Variants in PARD3 observed in about 807,000 individuals in gnomAD.
PARD3 encodes par-3 family cell polarity regulator, also known as partitioning defective 3 homolog.
In PARD3, 75 loss-of-function variants were observed where a neutral mutation model predicts 155.4. The ratio of observed to expected loss-of-function variants is 0.48; its 90% CI spans 0.40 to 0.58. The LOEUF (loss-of-function observed/expected upper bound fraction) is 0.58. Among genes scored for constraint, PARD3 ranks in the 20% least tolerant of loss-of-function variants. The pLI, the probability that PARD3 is intolerant of heterozygous loss-of-function variation, is 0.00. For missense variants in PARD3, 1,642 were observed against 1,721.7 expected, an observed-to-expected ratio of 0.95 and a Z score of 0.82; for synonymous variants, 576 against 610.5, an observed-to-expected ratio of 0.94 and a Z score of 0.83.
intron 22 of PARD3, among the ~76,000 whole-genome samples, chr10:34,175,756 G>A (rs914918814): frequency 5.9e-5 from 9 of 152,138 alleles, no homozygotes; most frequent in Non-Finnish European, 2.9e-5. Context: ...AGGAAAGGGA[G>A]TTTAAAACAA....
chr10:34,356,056 A>T (rs1366212695), intron 14 of PARD3, among the ~76,000 whole-genome samples: 2 of 152,090 alleles, frequency 1.3e-5, no homozygotes, highest in Non-Finnish European at 2.9e-5. Flanking sequence ...GACCCGGAGT[A>T]GGGTAGCAGA....
intron 1 of PARD3, among the ~76,000 whole-genome samples, chr10:34,705,253 C>A (rs1267518793): frequency 6.6e-6 from 1 of 152,080 alleles, no homozygotes; most frequent in East Asian, 1.9e-4. Context: ...TTGCTTGAGC[C>A]CAGGAGTTCA....
chr10:34,769,890 C>A (rs1391053745), intron 1 of PARD3, among the ~76,000 whole-genome samples: 1 of 150,940 alleles, frequency 6.6e-6, no homozygotes, highest in Non-Finnish European at 1.5e-5. Flanking sequence ...CAATTATAAC[C>A]ATTTCATACT....
chr10:34,273,822 C>A (rs935744338), intron 21 of PARD3, among the ~76,000 whole-genome samples: 1 of 152,064 alleles, frequency 6.6e-6, no homozygotes, highest in Non-Finnish European at 1.5e-5. Flanking sequence ...CACCATCACC[C>A]CACTCTTGGT....
At chr10:34,755,023 T>C (rs1836528990) in intron 1 of PARD3, among the ~76,000 whole-genome samples, 1 of 152,124 alleles carries the variant, frequency 6.6e-6, no homozygotes, top group Non-Finnish European at 1.5e-5. Flanking sequence ...GATTGTCACT[T>C]TTCCAAGGTC....
chr10:34,749,080 A>G (rs1376439246), intron 1 of PARD3, among the ~76,000 whole-genome samples: 1 of 152,214 alleles, frequency 6.6e-6, no homozygotes, highest in Non-Finnish European at 1.5e-5. Flanking sequence ...TCCATTATGT[A>G]CTTTCCAAAT....
chr10:34,159,305 A>G (rs1949161167), intron 22 of PARD3, among the ~76,000 whole-genome samples: 2 of 152,228 alleles, frequency 1.3e-5, no homozygotes, highest in Admixed American at 6.5e-5. Flanking sequence ...GTTGAGTAGC[A>G]AATGAGTTGG....
At chr10:34,589,652 A>C (rs944490503) in intron 2 of PARD3, among the ~76,000 whole-genome samples, 30 of 151,292 alleles carry the variant, frequency 2.0e-4, no homozygotes, top group Non-Finnish European at 3.7e-4. Flanking sequence ...AAAAAAAAAA[A>C]AAAAAACCAA....
At chr10:34,346,430 G>C (rs1441885759) in intron 15 of PARD3, 2 of 1,347,930 alleles carry the variant, frequency 1.5e-6, no homozygotes, top group Admixed American at 2.0e-5. Context: ...GTCTGATTCA[G>C]TATGGCAAGT....
chr10:34,283,998 C>A, intron 21 of PARD3, 137 bp downstream of exon 21: 1 of 603,934 alleles, frequency 1.7e-6, no homozygotes, highest in South Asian at 2.0e-5. Flanking sequence ...TCACCCACAA[C>A]CATCAATATT....
chr10:34,511,109 C>T (rs2081372595), intron 3 of PARD3, among the ~76,000 whole-genome samples: 2 of 152,174 alleles, frequency 1.3e-5, no homozygotes, highest in South Asian at 2.1e-4. Context: ...TATTGAAGAA[C>T]GTGGGCCATT....
chr10:34,413,491 C>A (rs943108887), intron 5 of PARD3, among the ~76,000 whole-genome samples: 6 of 150,802 alleles, frequency 4.0e-5, no homozygotes, highest in African/African-American at 1.5e-4. Context: ...TTTTGACTAC[C>A]AGATACTATT....
chr10:34,699,865 G>GC (rs1194438196), intron 1 of PARD3, among the ~76,000 whole-genome samples: 2 of 152,010 alleles, frequency 1.3e-5, no homozygotes, highest in African/African-American at 2.4e-5. Flanking sequence ...ACAGAGTGAG[G>GC]CCCCGTCTCT....
chr10:34,303,162 ATTTT>A (rs5784409), intron 20 of PARD3, among the ~76,000 whole-genome samples: 6,109 of 131,980 alleles, frequency 0.046, 227 homozygotes, highest in African/African-American at 0.11. Flanking sequence ...GCCCAGGTGA[ATTTT>A]TTTTTTTTTT....
At chr10:34,761,814 G>C (rs999895028) in intron 1 of PARD3, among the ~76,000 whole-genome samples, 1 of 151,994 alleles carries the variant, frequency 6.6e-6, no homozygotes, top group African/African-American at 2.4e-5. Context: ...GAGTCCTAAA[G>C]GAACAAAGTA....
intron 5 of PARD3, among the ~76,000 whole-genome samples, chr10:34,427,245 C>T (rs149326184): frequency 6.1e-4 from 93 of 152,244 alleles, no homozygotes; most frequent in African/African-American, 2.0e-3. Flanking sequence ...TTACCGAAAA[C>T]GGGTAAGAGA....
At chr10:34,756,854 A>G (rs1321281101) in intron 1 of PARD3, among the ~76,000 whole-genome samples, 1 of 152,240 alleles carries the variant, frequency 6.6e-6, no homozygotes, top group Non-Finnish European at 1.5e-5. Flanking sequence ...AAAAGACAAA[A>G]GGGAACACTG....
In PARD3 at chr10:34,109,804, A is replaced by C. The variant is rs1000438538; in HGVS notation, c.*1365T>G. 4.6e-5 allele frequency: 7 copies of C among 152,004 alleles called. No homozygotes were observed. Among genetic ancestry groups the C allele is most frequent in the Non-Finnish European group, 1.0e-4 (7 of 68,004 alleles). The allele number at this position is 152,004 out of a possible 1,614,324, so 9.4% of individuals were successfully genotyped here. A position where few individuals can be genotyped will look rare whatever the true frequency, so the allele number is the denominator to read the frequency against. On this transcript the variant is annotated 3_prime_UTR_variant, in exon 25 of 25. Transcript: ENST00000374788. ...AAAAACAAGTCAACACAAAAATACA[A>C]TGTGCCAATAAAAAAAAAATAGACA...
chr10:34,606,154 A>G, intron 2 of PARD3, among the ~76,000 whole-genome samples: 1 of 127,320 alleles, frequency 7.9e-6, no homozygotes, highest in Non-Finnish European at 1.7e-5. Flanking sequence ...ATATAAAGGG[A>G]AATGTGTGTG....
Sources: gnomAD v4.1 joint callset for allele counts (sites outside exome capture counted in the v4.1 genomes callset) on GRCh38, gnomAD v4.1.1 for gene constraint, MANE v1.5 for transcripts, NCBI Gene and HGNC (gene_info 2026-07-23, HGNC 2026-07-21) for gene names.